Variants in NCBP2 observed in about 807,000 individuals in gnomAD.
NCBP2 encodes nuclear cap-binding protein subunit 2.
In NCBP2, 8 loss-of-function variants were observed where a neutral mutation model predicts 21.5. That is an observed-to-expected ratio of 0.37 (90% CI 0.22 to 0.67). The LOEUF is 0.67. Ranked by LOEUF, NCBP2 falls within the 30% of genes least tolerant of loss-of-function variation. The pLI, the probability that NCBP2 is intolerant of heterozygous loss-of-function variation, is 0.56. For synonymous variants in NCBP2, 92 were observed against 75.8 expected (o/e 1.21, Z -1.11); for missense variants, 127 against 206.9 (o/e 0.61, Z 2.37).
At chr3:196,937,433 A>G in intron 3 of NCBP2, 77 bp downstream of exon 3, 2 of 1,583,206 alleles carry the variant, frequency 1.3e-6, no homozygotes, top group Non-Finnish European at 1.7e-6. Context: ...AAAAGAGTAA[A>G]TACAAATTGC....
rs1007857135 is a variant in NCBP2, at chr3:196,942,268, T to C, written c.78+158A>G. ...TGGCTTCAGTGATATCCAAGCGCCC[T>C]TCCAGCACCCATTCCCTGCCTCGCC... On this transcript the variant is annotated intron_variant, in intron 1 of 3. Transcript: ENST00000321256. The C allele has an allele frequency of 3.6e-5, 54 of 1,495,276 alleles. No individual in the cohort carries two copies. The South Asian group carries it at 7.0e-4, about 19-fold the overall frequency. 92.6% of individuals were successfully genotyped at this position (1,495,276 alleles called of 1,614,324 possible).
intron 2 of NCBP2, 48 bp downstream of exon 2, chr3:196,939,203 C>G (rs752849258): frequency 1.3e-6 from 2 of 1,547,972 alleles, no homozygotes; most frequent in African/African-American, 1.4e-5. Context: ...CTACCACTCT[C>G]AGCTCTACCC....
intron 1 of NCBP2, chr3:196,941,017 C>G (rs1448305762): frequency 6.6e-6 from 1 of 152,040 alleles, no homozygotes; most frequent in Admixed American, 6.5e-5. Flanking sequence ...GTTGAGGCTG[C>G]GTGAGCCGTG....
In NCBP2 at chr3:196,942,447, C is replaced by T. The variant is rs780337128; in HGVS notation, c.57G>A (p.Gln19=). 2 of 1,613,254 alleles carry T rather than the reference C, an allele frequency of 1.2e-6. No homozygotes were observed. Residue 19 remains glutamine (Q), a synonymous_variant, in exon 1 of 4, where the codon CAG becomes CAA. Coordinates refer to ENST00000321256, the MANE Select transcript of NCBP2 (RefSeq NM_007362.5). ...LRSDSYVELS[Q]YRDQHFRGDN... Reference sequence around the variant, plus strand: ...TCACCCGGAAGTGCTGGTCCCGGTACTGGCTCAGCTCCACGTAGGAGTCGC... The same window carrying T: ...TCACCCGGAAGTGCTGGTCCCGGTATTGGCTCAGCTCCACGTAGGAGTCGC...
intron 1 of NCBP2, 163 bp downstream of exon 1, chr3:196,942,263 C>A: frequency 6.7e-7 from 1 of 1,483,536 alleles, no homozygotes; most frequent in Non-Finnish European, 8.9e-7. Context: ...GATATCCAAG[C>A]GCCCTTCCAG....
At chr3:196,942,389 C>A in intron 1 of NCBP2, 37 bp downstream of exon 1, 1 of 1,604,618 alleles carries the variant, frequency 6.2e-7, no homozygotes, top group Admixed American at 1.7e-5. Flanking sequence ...GCGTTCTTGC[C>A]CAGGGCCTTC....
chr3:196,940,710 C>G (rs770848051), intron 1 of NCBP2, among the ~76,000 whole-genome samples: 2 of 152,180 alleles, frequency 1.3e-5, no homozygotes, highest in Non-Finnish European at 2.9e-5. Flanking sequence ...TAGACAAAGT[C>G]AGAAGGTTCC....
chr3:196,941,561 A>C, intron 1 of NCBP2: 1 of 327,538 alleles, frequency 3.1e-6, no homozygotes, highest in Non-Finnish European at 5.6e-6. Context: ...ACTACAGGGG[A>C]TTATGAGCTC....
In NCBP2 at chr3:196,942,521, C is replaced by A. The variant is rs2108885584; in HGVS notation, c.-18G>T. 6.2e-7 allele frequency: 1 copy of A among 1,606,542 alleles called. No individual in the cohort carries two copies. The highest frequency in any genetic ancestry group is 2.2e-5 in the East Asian group (1 of 44,706). On this transcript the variant is annotated 5_prime_UTR_variant, in exon 1 of 4. Coordinates refer to ENST00000321256, the MANE Select transcript of NCBP2 (RefSeq NM_007362.5). ...CCCGACATAGTGCAGAGAAGCGGAC[C>A]ACAATGCGGCGACTCCCGGCACGAG...
intron 1 of NCBP2, chr3:196,942,031 G>C (rs1716610335): frequency 2.6e-6 from 4 of 1,535,584 alleles, no homozygotes; most frequent in African/African-American, 2.7e-5. Context: ...AAAAAGCCCC[G>C]CATCTGCATC....
rs891537572 is a variant in NCBP2 at position 196,936,223 on chromosome 3, G to C, written c.*788C>G. On this transcript the variant is annotated 3_prime_UTR_variant, in exon 4 of 4. Transcript: ENST00000321256. ...AACACTGACATCTTTTGAAAAACGT[G>C]TTAGTAAATACTCAAGTTCTGGCCT... 1.4e-4 allele frequency: 21 copies of C among 152,086 alleles called. No homozygotes were observed. The highest frequency in any genetic ancestry group is 5.1e-4 in the African/African-American group (21 of 41,402). The allele number at this position is 152,086 out of a possible 1,614,324, so 9.4% of individuals were successfully genotyped here.
Position 196,937,586 on chromosome 3 carries a change from T to A in NCBP2, c.323A>T (p.Asp108Val), listed in dbSNP as rs1284630736. 6.2e-7 allele frequency: 1 copy of A among 1,614,214 alleles called. No homozygotes were observed. The highest frequency in any genetic ancestry group is 8.5e-7 in the Non-Finnish European group (1 of 1,180,040). ...GTCCCAGTCTGTGCGAATGATTCGG[T>A]CATCCAGACGCGTCCCATTTATGTA... ...MRYINGTRLDDRIIRTDWDAG... is the reference protein window; with the variant it reads ...MRYINGTRLDVRIIRTDWDAG... The change falls in exon 3 of 4, where the codon GAC becomes GTC. Residue 108 changes from aspartate to valine, a missense_variant. Physicochemically the swap from Asp to Val is radical, Grantham distance 152. Transcript: ENST00000321256.
Position 196,937,637 on chromosome 3 carries a change from C to G in NCBP2, c.272G>C (p.Arg91Pro). ...CCGCATGGCGTTTTCCGCATCTGCG[C>G]GTGAGTAATATCTTAAGTATTAAGG... ...CGFCFVEYYS[R>P]ADAENAMRYI... The change falls in exon 3 of 4, where the codon CGC (arginine) becomes CCC (proline). Residue 91 changes from arginine (R) to proline (P), a missense_variant. By Grantham distance (103) the Arg-to-Pro change is moderately radical. Coordinates refer to ENST00000321256, the MANE Select transcript of NCBP2 (RefSeq NM_007362.5). 6.2e-7 allele frequency: 1 copy of G among 1,614,092 alleles called. No individual in the cohort carries two copies. Among genetic ancestry groups the G allele is most frequent in the Non-Finnish European group, 8.5e-7 (1 of 1,180,032 alleles).
At chr3:196,942,113 G>T in intron 1 of NCBP2, 1 of 1,475,762 alleles carries the variant, frequency 6.8e-7, no homozygotes, top group Non-Finnish European at 8.9e-7. Context: ...CGTCTGCGGA[G>T]GCACAACCGT....
At chr3:196,941,704 C>T in intron 1 of NCBP2, 1 of 594,250 alleles carries the variant, frequency 1.7e-6, no homozygotes, top group South Asian at 2.1e-5. Flanking sequence ...GTATTCCATC[C>T]CTACCTCCGC....
intron 1 of NCBP2, chr3:196,942,217 T>C: frequency 6.8e-7 from 1 of 1,460,590 alleles, no homozygotes; most frequent in Non-Finnish European, 9.0e-7. Flanking sequence ...TAAGCGAGCC[T>C]CCAGTTCCCC....
rs765642228 is a variant in NCBP2 at position 196,937,648 on chromosome 3, T to C, written c.261A>G (p.Glu87=). 13 of 1,613,844 alleles carry C rather than the reference T, an allele frequency of 8.1e-6. No homozygotes were observed. The East Asian group carries it at 2.0e-4, about 25-fold the overall frequency. The part of the protein sequence containing the change: ...KKTACGFCFV[E]YYSRADAENA... ...TTTCCGCATCTGCGCGTGAGTAATA[T>C]CTTAAGTATTAAGGAACACTAGCAT... Residue 87 remains glutamate, a splice_region_variant and synonymous_variant, in exon 3 of 4, where the codon GAA becomes GAG. Transcript: ENST00000321256.
At position 196,941,967 on chromosome 3, in the gene NCBP2, A is replaced by G. The variant is rs558372009; in HGVS notation, c.78+459T>C. 3.9e-4 allele frequency: 599 copies of G among 1,536,346 alleles called. 3 individuals carry two copies. In the African/African-American group the frequency reaches 7.2e-3, roughly 19 times the overall value. On this transcript the variant is annotated intron_variant, in intron 1 of 3. Coordinates refer to ENST00000321256, the MANE Select transcript of NCBP2 (RefSeq NM_007362.5). Reference sequence around the variant, plus strand: ...AGCTTCCGTAACACCATCCTCCCAGAGAAGGGGCCCGAATCGCCGAAGGGC... The same window carrying G: ...AGCTTCCGTAACACCATCCTCCCAGGGAAGGGGCCCGAATCGCCGAAGGGC...
intron 1 of NCBP2, 113 bp downstream of exon 1, chr3:196,942,313 C>G: frequency 1.2e-5 from 18 of 1,532,450 alleles, no homozygotes; most frequent in Non-Finnish European, 1.6e-5. Context: ...CGGGGCCCCA[C>G]TTGGCGTTTG....
Sources: allele counts gnomAD v4.1 joint callset (sites outside exome capture counted in the v4.1 genomes callset), GRCh38; gene constraint gnomAD v4.1.1; transcripts MANE v1.5; gene names NCBI Gene and HGNC (gene_info 2026-07-23, HGNC 2026-07-21).